TMOD1: variants seen among roughly 807,000 people sequenced by gnomAD.
TMOD1 encodes tropomodulin-1.
In TMOD1, 17 loss-of-function variants were observed where a neutral mutation model predicts 40.6. That is an observed-to-expected ratio of 0.42 (90% CI 0.29 to 0.63). The LOEUF is 0.63. TMOD1 is among the 20% of genes least tolerant of loss of function. The pLI is 0.22. For synonymous variants in TMOD1, 181 were observed against 175.0 expected (o/e 1.03, Z -0.27); for missense variants, 391 against 447.6 (o/e 0.87, Z 1.14).
rs1000578000 is a variant in TMOD1, at chr9:97,557,265, C to T, written c.397+3865C>T. Among the ~76,000 whole-genome samples, 2 of 152,118 alleles carry T rather than the reference C, an allele frequency of 1.3e-5. No homozygotes were observed. The highest frequency in any genetic ancestry group is 2.4e-5 in the African/African-American group (1 of 41,408). On this transcript the variant is annotated intron_variant, in intron 4 of 9. Coordinates refer to ENST00000259365, the MANE Select transcript of TMOD1 (RefSeq NM_003275.4). This position sits in a 1 kb window ranked among gnomAD's most constrained non-coding sequence, Gnocchi z 4.4. ...GTTCCTGGCAGGGCTAAGTTCTTGGCGCATAGCCTACAGGGTTGTAGGTCA... is the reference window on the plus strand; with the variant it reads ...GTTCCTGGCAGGGCTAAGTTCTTGGTGCATAGCCTACAGGGTTGTAGGTCA...
In TMOD1 at chr9:97,554,192, G is replaced by A. The variant is rs983210230; in HGVS notation, c.397+792G>A. On this transcript the variant is annotated intron_variant, in intron 4 of 9. Coordinates refer to ENST00000259365, the MANE Select transcript of TMOD1 (RefSeq NM_003275.4). ...CCCAGGTGATGGCAGGAGGGTGGGCGGGGTGGGGAAAGGCTCGAGGCAGGT... is the reference window on the plus strand; with the variant it reads ...CCCAGGTGATGGCAGGAGGGTGGGCAGGGTGGGGAAAGGCTCGAGGCAGGT... Among the ~76,000 whole-genome samples the A allele has an allele frequency of 7.9e-5, 12 of 151,934 alleles. No individual in the cohort carries two copies. The East Asian group carries it at 9.7e-4, about 12-fold the overall frequency.
chr9:97,511,242 GT>G (rs1225626405), intron 1 of TMOD1, among the ~76,000 whole-genome samples: 1 of 152,114 alleles, frequency 6.6e-6, no homozygotes, highest in African/African-American at 2.4e-5. Context: ...TAGTGTGTTT[GT>G]TTTTTTAGAA....
In TMOD1 at chr9:97,502,075, C is replaced by A. The variant is rs1284143843; in HGVS notation, c.-49+272C>A. Among the ~76,000 whole-genome samples, 1 of 152,098 alleles carries A rather than the reference C, an allele frequency of 6.6e-6. No individual in the cohort carries two copies. The highest frequency in any genetic ancestry group is 1.5e-5 in the Non-Finnish European group (1 of 67,994). ...CGCCCTCCGCTCTGGACCTCCGCACCGCGTCTGTGAACGCGAGAAGGACCC... is the reference window on the plus strand; with the variant it reads ...CGCCCTCCGCTCTGGACCTCCGCACAGCGTCTGTGAACGCGAGAAGGACCC... On this transcript the variant is annotated intron_variant, in intron 1 of 9. Transcript: ENST00000259365. This position sits in a 1 kb window ranked among gnomAD's most constrained non-coding sequence, Gnocchi z 6.1.
intron 8 of TMOD1, among the ~76,000 whole-genome samples, chr9:97,578,499 A>G (rs947857694): frequency 2.0e-5 from 3 of 152,224 alleles, no homozygotes; most frequent in Non-Finnish European, 4.4e-5. Flanking sequence ...CTTGTCGCAC[A>G]TGCCCAGACA....
intron 1 of TMOD1, among the ~76,000 whole-genome samples, chr9:97,517,333 G>A (rs1236239373): frequency 6.8e-6 from 1 of 146,580 alleles, no homozygotes; most frequent in Non-Finnish European, 1.5e-5. Flanking sequence ...GTGGGTGATG[G>A]GGGAAAAAAA....
intron 1 of TMOD1, among the ~76,000 whole-genome samples, chr9:97,512,057 C>T (rs1229768961): frequency 6.6e-6 from 1 of 152,194 alleles, no homozygotes; most frequent in East Asian, 1.9e-4. Context: ...CATGTTCCTC[C>T]TGGTCCTTCA....
chr9:97,523,438 C>T (rs1437074024), intron 1 of TMOD1, among the ~76,000 whole-genome samples: 1 of 152,314 alleles, frequency 6.6e-6, no homozygotes, highest in Admixed American at 6.5e-5. Context: ...TTGGGTGACT[C>T]CGCAGAGAAG....
intron 8 of TMOD1, among the ~76,000 whole-genome samples, chr9:97,587,101 T>C (rs1304154979): frequency 6.6e-6 from 1 of 152,260 alleles, no homozygotes; most frequent in Non-Finnish European, 1.5e-5. Context: ...TCTTTTTCAC[T>C]GGTGAGTAGT....
At chr9:97,555,718 T>C in intron 4 of TMOD1, 1 of 1,532,670 alleles carries the variant, frequency 6.5e-7, no homozygotes, top group Non-Finnish European at 8.8e-7. Flanking sequence ...CTATGTGAGT[T>C]GCTCTCAAGA....
chr9:97,526,970 C>T (rs896720052), intron 2 of TMOD1, among the ~76,000 whole-genome samples: 1 of 152,172 alleles, frequency 6.6e-6, no homozygotes, highest in Non-Finnish European at 1.5e-5. Context: ...ATCTCTCCAA[C>T]AGTGTGTCCT....
At chr9:97,570,746 A>C (rs1052355415) in intron 8 of TMOD1, among the ~76,000 whole-genome samples, 1 of 152,154 alleles carries the variant, frequency 6.6e-6, no homozygotes, top group Admixed American at 6.5e-5. Flanking sequence ...CTGGTAAGTA[A>C]GTTTGCCCTG....
In TMOD1 at chr9:97,527,644, G is replaced by A. The variant is rs188524989; in HGVS notation, c.120+3336G>A. On this transcript the variant is annotated intron_variant, in intron 2 of 9. Transcript: ENST00000259365. ...AAAGAGGGGTTGGGATAGATAACGC[G>A]GGGGAAGAGGGGGCGGCAAGGCCGA... Among the ~76,000 whole-genome samples, 12 of 152,238 alleles carry A rather than the reference G, an allele frequency of 7.9e-5. No individual in the cohort carries two copies. The East Asian group carries it at 2.1e-3, about 27-fold the overall frequency.
rs764457725 is a variant in TMOD1, at chr9:97,546,211, G to A, written c.147G>A (p.Arg49=). The change falls in exon 3 of 10, where the codon AGG becomes AGA. Residue 49 remains arginine, a synonymous_variant. Coordinates refer to ENST00000259365, the MANE Select transcript of TMOD1 (RefSeq NM_003275.4). ...PDNALLPAGL[R]QKDQTTKAPT... ...ATGCACTGCTGCCTGCAGGCCTGAGGCAGAAGGATCAGACCACCAAGGCGC... is the reference window on the plus strand; with the variant it reads ...ATGCACTGCTGCCTGCAGGCCTGAGACAGAAGGATCAGACCACCAAGGCGC... 6.2e-7 allele frequency: 1 copy of A among 1,613,620 alleles called. No homozygotes were observed. Among genetic ancestry groups the A allele is most frequent in the Non-Finnish European group, 8.5e-7 (1 of 1,179,958 alleles).
At position 97,599,851 on chromosome 9, in the gene TMOD1, G is replaced by A. The variant is rs1826213875; in HGVS notation, c.*153G>A. ...TAAGGTTTTAGGTTGACTAGTGGTT[G>A]TAGTTGAAAATTTTATAAAATACCG... On this transcript the variant is annotated 3_prime_UTR_variant, in exon 10 of 10. Coordinates refer to ENST00000259365, the MANE Select transcript of TMOD1 (RefSeq NM_003275.4). 3 of 1,425,610 alleles carry A rather than the reference G, an allele frequency of 2.1e-6. No individual in the cohort carries two copies. Among genetic ancestry groups the A allele is most frequent in the Non-Finnish European group, 2.8e-6 (3 of 1,081,468 alleles). The allele number at this position is 1,425,610 out of a possible 1,614,324, so 88.3% of individuals were successfully genotyped here.
At chr9:97,560,435 T>G (rs571350868) in intron 4 of TMOD1, among the ~76,000 whole-genome samples, 20 of 152,052 alleles carry the variant, frequency 1.3e-4, no homozygotes, top group Admixed American at 1.1e-3. Flanking sequence ...GAATTCAAAT[T>G]TCAGAGAACA....
intron 8 of TMOD1, among the ~76,000 whole-genome samples, chr9:97,589,719 A>T (rs1260357823): frequency 6.6e-6 from 1 of 152,080 alleles, no homozygotes; most frequent in Non-Finnish European, 1.5e-5. Context: ...TTGCTTAATT[A>T]TCCTGTCTAG....
At chr9:97,520,907 T>C (rs1812359758) in intron 1 of TMOD1, among the ~76,000 whole-genome samples, 1 of 152,202 alleles carries the variant, frequency 6.6e-6, no homozygotes, top group Non-Finnish European at 1.5e-5. Context: ...CTGGCTTTGA[T>C]AAAGGATTTC....
chr9:97,595,460 T>C (rs904462721), intron 9 of TMOD1, among the ~76,000 whole-genome samples: 1 of 152,176 alleles, frequency 6.6e-6, no homozygotes, highest in Non-Finnish European at 1.5e-5. Context: ...AATTTGTCTT[T>C]TTGTGGCTGG....
At chr9:97,571,626 TC>T (rs1394128783) in intron 8 of TMOD1, among the ~76,000 whole-genome samples, 1 of 152,188 alleles carries the variant, frequency 6.6e-6, no homozygotes, top group Non-Finnish European at 1.5e-5. Context: ...TTACAACCCA[TC>T]CCTGTATCAC....
Sources: gnomAD v4.1 joint callset for allele counts (sites outside exome capture counted in the v4.1 genomes callset) on GRCh38, gnomAD v4.1.1 for gene constraint, Gnocchi (gnomAD v3.1) non-coding constraint, MANE v1.5 for transcripts, NCBI Gene and HGNC (gene_info 2026-07-23, HGNC 2026-07-21) for gene names.